The following DRC8 variants were observed in gnomAD, a reference collection of about 807,000 sequenced individuals.
The protein encoded by DRC8 is dynein regulatory complex subunit 8, also known as dynein regulatory complex protein 8.
the DRC8 span, among the ~76,000 whole-genome samples, chr1:245,045,552 G>A: frequency 7.9e-5 from 12 of 152,264 alleles, no homozygotes; most frequent in African/African-American, 1.9e-4. Flanking sequence ...GCCACTTCAC[G>A]TCCATCTCAT....
the DRC8 span, among the ~76,000 whole-genome samples, chr1:245,021,649 T>C: frequency 6.6e-6 from 1 of 152,138 alleles, no homozygotes; most frequent in Non-Finnish European, 1.5e-5. Context: ...TTGCCCAGGC[T>C]GTTCTCAAAC....
At chr1:245,043,982 G>A in the DRC8 span, 1 of 152,184 alleles carries the variant, frequency 6.6e-6, no homozygotes, top group African/African-American at 2.4e-5. Context: ...GAAGATGAGC[G>A]TGGCACCTAC....
At chr1:245,091,173 G>C in the DRC8 span, 1 of 152,386 alleles carries the variant, frequency 6.6e-6, no homozygotes, top group East Asian at 1.9e-4. Context: ...AAAGGAGTGT[G>C]GTGATCCTCG....
the DRC8 span, among the ~76,000 whole-genome samples, chr1:245,088,208 G>A: frequency 2.0e-5 from 3 of 152,000 alleles, no homozygotes; most frequent in Admixed American, 2.0e-4. This position sits in a 1 kb window ranked among gnomAD's most constrained non-coding sequence, Gnocchi z 4.6. Context: ...AATTCTCTCC[G>A]ATCTTGGCAT....
chr1:245,051,399 C>T, the DRC8 span, among the ~76,000 whole-genome samples: 1 of 152,018 alleles, frequency 6.6e-6, no homozygotes, highest in Non-Finnish European at 1.5e-5. Flanking sequence ...TCAATCCCCC[C>T]CACCCAAAAG....
At chr1:245,121,843 C>T in the DRC8 span, 1 of 419,056 alleles carries the variant, frequency 2.4e-6, no homozygotes, top group African/African-American at 2.1e-5. Context: ...CTTGTCTTAG[C>T]TACTTCTTCA....
chr1:245,101,358 C>T, the DRC8 span, among the ~76,000 whole-genome samples: 1 of 152,148 alleles, frequency 6.6e-6, no homozygotes, highest in African/African-American at 2.4e-5. Flanking sequence ...ATTTGTCTGT[C>T]TTCTCTACTT....
chr1:245,070,404 CATT>C, the DRC8 span, among the ~76,000 whole-genome samples: 1 of 152,156 alleles, frequency 6.6e-6, no homozygotes, highest in Non-Finnish European at 1.5e-5. Flanking sequence ...GCATGATAAA[CATT>C]ATTTGAATAA....
the DRC8 span, among the ~76,000 whole-genome samples, chr1:245,024,725 G>A: frequency 6.6e-6 from 1 of 151,878 alleles, no homozygotes; most frequent in African/African-American, 2.4e-5. Context: ...TGTATTTTTA[G>A]TAGAGATGGG....
At chr1:244,999,835 G>A in the DRC8 span, among the ~76,000 whole-genome samples, 31 of 151,382 alleles carry the variant, frequency 2.0e-4, no homozygotes, top group African/African-American at 6.1e-4. Flanking sequence ...TTTTTGAGGC[G>A]GAGTCTTGCT....
the DRC8 span, among the ~76,000 whole-genome samples, chr1:245,117,804 A>G: frequency 6.6e-6 from 1 of 152,092 alleles, no homozygotes; most frequent in Non-Finnish European, 1.5e-5. Flanking sequence ...CCTCATCTCT[A>G]CTAAAAATAC....
the DRC8 span, among the ~76,000 whole-genome samples, chr1:244,993,490 T>C: frequency 7.9e-5 from 12 of 152,336 alleles, no homozygotes; most frequent in Non-Finnish European, 1.2e-4. Context: ...TCTTGATCTA[T>C]AGACCTGTGA....
At chr1:245,002,107 C>T in the DRC8 span, 2 of 1,584,032 alleles carry the variant, frequency 1.3e-6, no homozygotes, top group South Asian at 2.3e-5. Flanking sequence ...CTTCATGTGT[C>T]TCCTTTATGC....
chr1:244,981,340 AGT>A, the DRC8 span, among the ~76,000 whole-genome samples: 20 of 152,240 alleles, frequency 1.3e-4, no homozygotes, highest in Admixed American at 4.6e-4. Flanking sequence ...ATGAGCAAAT[AGT>A]GTCACAAAAG....
At chr1:244,999,806 G>GT in the DRC8 span, among the ~76,000 whole-genome samples, 16 of 151,882 alleles carry the variant, frequency 1.1e-4, no homozygotes, top group Admixed American at 9.8e-4. Flanking sequence ...AAGTTTTTTT[G>GT]TTTTTTTGTT....
the DRC8 span, among the ~76,000 whole-genome samples, chr1:245,102,365 T>TA: frequency 6.6e-6 from 1 of 151,922 alleles, no homozygotes; most frequent in Non-Finnish European, 1.5e-5. Context: ...TTTATTTATT[T>TA]TTGAGATGGA....
At chr1:244,999,783 C>A in the DRC8 span, among the ~76,000 whole-genome samples, 1 of 151,912 alleles carries the variant, frequency 6.6e-6, no homozygotes, top group Non-Finnish European at 1.5e-5. Context: ...CCTATACATA[C>A]ATACCCATGA....
chr1:245,020,996 TATGAGA>T, the DRC8 span, among the ~76,000 whole-genome samples: 1 of 152,128 alleles, frequency 6.6e-6, no homozygotes. Flanking sequence ...CAGAACTAGA[TATGAGA>T]ATGCAGCTGT....
the DRC8 span, among the ~76,000 whole-genome samples, chr1:245,046,391 C>CACA: frequency 0.035 from 5,267 of 152,136 alleles, 316 homozygotes; most frequent in African/African-American, 0.12. Context: ...CTCCTTCTCG[C>CACA]TGTCTCTTTT....
Sources: allele counts gnomAD v4.1 joint callset (sites outside exome capture counted in the v4.1 genomes callset), GRCh38; gene constraint gnomAD v4.1.1; non-coding constraint Gnocchi (gnomAD v3.1); transcripts MANE v1.5; gene names NCBI Gene and HGNC (gene_info 2026-07-23, HGNC 2026-07-21).